The following CD99L2 variants were observed in gnomAD, a reference collection of about 807,000 sequenced individuals.
The protein encoded by CD99L2 is CD99 antigen-like protein 2.
In CD99L2, 24 loss-of-function variants were observed where a neutral mutation model predicts 27.3. The ratio of observed to expected loss-of-function variants is 0.88; its 90% CI spans 0.64 to 1.24. CD99L2 has a LOEUF of 1.24. CD99L2 is among the 50% of genes most tolerant of loss of function. The probability of loss-of-function intolerance (pLI) is 0.00; values close to 1 mark genes in which losing one functional copy is unlikely to be tolerated. For missense variants in CD99L2, 255 were observed against 221.6 expected (o/e 1.15, Z -0.96); for synonymous variants, 97 against 87.9 (o/e 1.10, Z -0.58).
chrX:150,802,620 C>T (rs1459731736), intron 4 of CD99L2, among the ~76,000 whole-genome samples: 1 of 96,279 alleles, frequency 1.0e-5, no homozygotes, highest in Non-Finnish European at 2.1e-5. Context: ...CTCGCTCTGT[C>T]GCCCAGGCTG....
At chrX:150,838,752 A>G (rs782357293) in intron 1 of CD99L2, among the ~76,000 whole-genome samples, 1 of 109,119 alleles carries the variant, frequency 9.2e-6, no homozygotes, top group South Asian at 4.0e-4. Flanking sequence ...ATGGGGTCTC[A>G]CTATGTTGCC....
chrX:150,769,612 TCCCCAC>T (rs2043379487), intron 10 of CD99L2, among the ~76,000 whole-genome samples: 1 of 109,251 alleles, frequency 9.2e-6, no homozygotes, highest in South Asian at 3.7e-4. Flanking sequence ...CCAGGCCCAG[TCCCCAC>T]GGCTGCTGCA....
At chrX:150,834,736 G>A (rs2124248844) in intron 1 of CD99L2, among the ~76,000 whole-genome samples, 1 of 112,005 alleles carries the variant, frequency 8.9e-6, no homozygotes, top group Admixed American at 9.5e-5. Flanking sequence ...TTCTGTGTGT[G>A]TATTAATATC....
intron 1 of CD99L2, among the ~76,000 whole-genome samples, chrX:150,850,667 A>G (rs1557421574): frequency 1.8e-5 from 2 of 111,871 alleles, no homozygotes; most frequent in African/African-American, 6.5e-5. Context: ...ATTCCATTTT[A>G]TCTCATTCAA....
intron 1 of CD99L2, among the ~76,000 whole-genome samples, chrX:150,881,815 ATTT>A (rs59133869): frequency 6.7e-5 from 6 of 89,366 alleles, no homozygotes; most frequent in Admixed American, 3.6e-4. Flanking sequence ...ACTCTTTCCA[ATTT>A]TTTTTTTTTT....
At chrX:150,870,430 G>A (rs1334708652) in intron 1 of CD99L2, among the ~76,000 whole-genome samples, 4 of 111,902 alleles carry the variant, frequency 3.6e-5, no homozygotes, top group African/African-American at 9.7e-5. Context: ...GAAGCAGTCC[G>A]TACAAAAATG....
At chrX:150,794,563 G>T (rs2045757617) in intron 6 of CD99L2, among the ~76,000 whole-genome samples, 1 of 112,577 alleles carries the variant, frequency 8.9e-6, no homozygotes, top group Non-Finnish European at 1.9e-5. Context: ...ACGGAACCAA[G>T]TGTGGAAAGT....
At chrX:150,838,678 TAAAAA>T (rs5904288) in intron 1 of CD99L2, among the ~76,000 whole-genome samples, 1 of 86,240 alleles carries the variant, frequency 1.2e-5, no homozygotes. Context: ...CACCAGAGGT[TAAAAA>T]AAAAAAAAAA....
intron 7 of CD99L2, among the ~76,000 whole-genome samples, chrX:150,792,188 G>T (rs782266421): frequency 3.6e-5 from 4 of 111,808 alleles, no homozygotes; most frequent in Non-Finnish European, 7.5e-5. Context: ...GCTAACAATT[G>T]ATTATTCTTT....
chrX:150,821,438 G>A (rs958115349), intron 2 of CD99L2, among the ~76,000 whole-genome samples: 2 of 112,020 alleles, frequency 1.8e-5, no homozygotes, highest in Non-Finnish European at 3.8e-5. Flanking sequence ...AACAAATGGT[G>A]CTCAGACAGC....
rs1178596258 is a variant in CD99L2 at position 150,836,904 on chromosome X, A to G, written c.68-5611T>C. The stretch of plus-strand genomic sequence containing the variant: ...AGAAAAGGCACAGTAAAAATAAAGT[A>G]TTATAATCTTATGAGCCCAACATTG... On this transcript the variant is annotated intron_variant, in intron 1 of 10. Coordinates refer to ENST00000370377, the MANE Select transcript of CD99L2 (RefSeq NM_031462.4). 2.7e-4 allele frequency among the ~76,000 whole-genome samples: 30 copies of G among 112,289 alleles called. No individual in the cohort carries two copies. In the Admixed American group the frequency reaches 2.8e-3, roughly 11 times the overall value.
chrX:150,815,772 A>C (rs1557420463), intron 3 of CD99L2, among the ~76,000 whole-genome samples: 1 of 112,310 alleles, frequency 8.9e-6, no homozygotes, highest in African/African-American at 3.2e-5. Context: ...AAGAAGTCCA[A>C]ATGCATTTTC....
intron 7 of CD99L2, among the ~76,000 whole-genome samples, chrX:150,791,469 G>A (rs782590572): frequency 1.8e-5 from 2 of 111,216 alleles, no homozygotes; most frequent in East Asian, 5.6e-4. Context: ...AGTGAGAAAG[G>A]GCCCAGGAGG....
At chrX:150,872,222 C>A (rs1051488219) in intron 1 of CD99L2, among the ~76,000 whole-genome samples, 14 of 110,106 alleles carry the variant, frequency 1.3e-4, no homozygotes, top group African/African-American at 4.6e-4. Context: ...CAGAGTGAGA[C>A]CCTGTCTCAA....
intron 2 of CD99L2, among the ~76,000 whole-genome samples, chrX:150,817,811 C>T (rs1242637815): frequency 9.0e-6 from 1 of 111,052 alleles, no homozygotes; most frequent in Non-Finnish European, 1.9e-5. Context: ...TATGATCATG[C>T]CTGTGAATAG....
intron 4 of CD99L2, among the ~76,000 whole-genome samples, chrX:150,811,527 G>C (rs782518562): frequency 1.8e-5 from 2 of 111,258 alleles, no homozygotes; most frequent in South Asian, 7.5e-4. Context: ...GAAAATAAGA[G>C]GAGACAACAC....
chrX:150,777,149 C>G, intron 8 of CD99L2: 1 of 352,053 alleles, frequency 2.8e-6, no homozygotes, highest in Non-Finnish European at 4.9e-6. Context: ...AGAGGGACGG[C>G]TCTCTCTCCC....
chrX:150,875,588 T>C (rs2047216117), intron 1 of CD99L2, among the ~76,000 whole-genome samples: 1 of 112,075 alleles, frequency 8.9e-6, no homozygotes, highest in African/African-American at 3.2e-5. Flanking sequence ...ATAATAGTGT[T>C]ACTCCAAGAA....
At chrX:150,876,230 T>G (rs1187722751) in intron 1 of CD99L2, among the ~76,000 whole-genome samples, 1 of 112,245 alleles carries the variant, frequency 8.9e-6, no homozygotes, top group Non-Finnish European at 1.9e-5. Flanking sequence ...GATCACACAC[T>G]TTTGCCCTCT....
Sources: gnomAD v4.1 joint callset for allele counts (sites outside exome capture counted in the v4.1 genomes callset) on GRCh38, gnomAD v4.1.1 for gene constraint, MANE v1.5 for transcripts, NCBI Gene and HGNC (gene_info 2026-07-23, HGNC 2026-07-21) for gene names.